GRM7: variants seen among roughly 807,000 people sequenced by gnomAD.
The protein encoded by GRM7 is metabotropic glutamate receptor 7.
In GRM7, 35 loss-of-function variants were observed where a neutral mutation model predicts 84.5. The ratio of observed to expected loss-of-function variants is 0.41; its 90% CI spans 0.32 to 0.55. GRM7 has a LOEUF of 0.55. Among genes scored for constraint, GRM7 ranks in the 20% least tolerant of loss-of-function variants. GRM7 has a pLI of 0.19. For missense variants in GRM7, 1,003 were observed against 1,194.6 expected (o/e 0.84, Z 2.36); for synonymous variants, 487 against 455.1 (o/e 1.07, Z -0.89).
intron 7 of GRM7, among the ~76,000 whole-genome samples, chr3:7,483,904 C>T (rs954031271): frequency 3.3e-5 from 5 of 151,984 alleles, no homozygotes; most frequent in Non-Finnish European, 7.4e-5. Flanking sequence ...AAAACACACT[C>T]TACATGATTT....
intron 9 of GRM7, among the ~76,000 whole-genome samples, chr3:7,716,378 G>C (rs910147725): frequency 6.6e-6 from 1 of 152,128 alleles, no homozygotes; most frequent in African/African-American, 2.4e-5. Context: ...TCTGCCTACA[G>C]GGAAAATAAT....
chr3:7,618,695 A>G (rs1404682084), intron 8 of GRM7, among the ~76,000 whole-genome samples: 3 of 152,106 alleles, frequency 2.0e-5, no homozygotes, highest in African/African-American at 4.8e-5. Context: ...ACGAGCCAAC[A>G]CAAAGGCACA....
intron 8 of GRM7, 85 bp from the exon 9 acceptor site, chr3:7,679,964 G>A: frequency 7.8e-7 from 1 of 1,276,954 alleles, no homozygotes; most frequent in Admixed American, 1.9e-5. Context: ...CCTAGCCATA[G>A]TCGTTCTTGA....
At chr3:7,220,993 T>G (rs1252895820) in intron 2 of GRM7, among the ~76,000 whole-genome samples, 1 of 151,182 alleles carries the variant, frequency 6.6e-6, no homozygotes, top group African/African-American at 2.4e-5. Context: ...ACTCAGGAGG[T>G]TGAGGTGGGA....
chr3:7,460,126 AAAAG>A (rs923949600), intron 6 of GRM7, among the ~76,000 whole-genome samples: 14 of 150,004 alleles, frequency 9.3e-5, no homozygotes, highest in African/African-American at 3.4e-4. Flanking sequence ...AAAAAAAAAA[AAAAG>A]ATGCCAAACC....
At chr3:7,522,802 T>C (rs1045915460) in intron 7 of GRM7, among the ~76,000 whole-genome samples, 3 of 152,150 alleles carry the variant, frequency 2.0e-5, no homozygotes, top group Admixed American at 1.3e-4. Context: ...CCCCAATGTA[T>C]GCTATTTTTG....
intron 4 of GRM7, among the ~76,000 whole-genome samples, chr3:7,310,786 G>T (rs1227000621): frequency 6.6e-6 from 1 of 152,110 alleles, no homozygotes; most frequent in African/African-American, 2.4e-5. Flanking sequence ...CTTCTTCAGG[G>T]CCTTTTGTTC....
chr3:7,550,480 CTTCCT>C lies in GRM7; in HGVS notation c.1516-27933_1516-27929del, dbSNP rs545562952. Reference sequence around the variant, plus strand: ...TTTCTCTCCCTCTCTCCTTTCTTTCCTTCCTTTCCTTTCTCTCCTCCTCTTCCTTC... The same window carrying C: ...TTTCTCTCCCTCTCTCCTTTCTTTCCTTCCTTTCTCTCCTCCTCTTCCTTC... On this transcript the variant is annotated intron_variant, in intron 7 of 9. Transcript: ENST00000357716. 6.1e-4 allele frequency among the ~76,000 whole-genome samples: 82 copies of C among 133,780 alleles called. 1 individual carries two copies. The South Asian group carries it at 0.023, about 37-fold the overall frequency. The allele number at this position is 133,780 out of a possible 152,430, so 87.8% of individuals were successfully genotyped here.
intron 8 of GRM7, among the ~76,000 whole-genome samples, chr3:7,630,719 A>G (rs1016728683): frequency 6.6e-6 from 1 of 152,196 alleles, no homozygotes; most frequent in African/African-American, 2.4e-5. Flanking sequence ...ACTGTCTCAA[A>G]AACCGTTAAG....
intron 1 of GRM7, among the ~76,000 whole-genome samples, chr3:6,907,636 A>G (rs1402708659): frequency 1.3e-5 from 2 of 152,198 alleles, no homozygotes; most frequent in Middle Eastern, 3.2e-3. Context: ...TGGCCATGAT[A>G]AAGAGTGGAG....
chr3:7,275,052 T>TC (rs1699003199), intron 2 of GRM7, among the ~76,000 whole-genome samples: 1 of 152,168 alleles, frequency 6.6e-6, no homozygotes, highest in African/African-American at 2.4e-5. Context: ...GCTCAAATAT[T>TC]CTTTCCTCAG....
chr3:7,085,220 G>T (rs544763799), intron 1 of GRM7, among the ~76,000 whole-genome samples: 3 of 152,180 alleles, frequency 2.0e-5, no homozygotes, highest in South Asian at 4.2e-4. Flanking sequence ...GAACAGCCTA[G>T]GCTGAAAGTT....
rs571074121 is a variant in GRM7, at chr3:7,162,122, A to G, written c.736+15454A>G. On this transcript the variant is annotated intron_variant, in intron 2 of 9. Transcript: ENST00000357716. ...TCGAGAGCCCTATTTTAGACTTGTG[A>G]GGCTTGAAATGCCTACAGTATATCC... Among the ~76,000 whole-genome samples the G allele has an allele frequency of 4.6e-5, 7 of 152,324 alleles. 1 individual carries two copies. The South Asian group carries it at 1.4e-3, about 32-fold the overall frequency.
chr3:7,721,580 CCTAA>C (rs754548907), intron 9 of GRM7, among the ~76,000 whole-genome samples: 9 of 152,190 alleles, frequency 5.9e-5, no homozygotes, highest in Non-Finnish European at 8.8e-5. Context: ...CTTCAGCTAA[CCTAA>C]CTGACATTCT....
chr3:7,375,212 C>G (rs1694295289), intron 4 of GRM7, among the ~76,000 whole-genome samples: 1 of 146,016 alleles, frequency 6.8e-6, no homozygotes, highest in South Asian at 2.2e-4. Context: ...TTTAAACATC[C>G]CCTTTTTTTT....
At chr3:7,428,675 G>C (rs1054913693) in intron 5 of GRM7, among the ~76,000 whole-genome samples, 1 of 152,042 alleles carries the variant, frequency 6.6e-6, no homozygotes, top group African/African-American at 2.4e-5. Flanking sequence ...ATAACTACTT[G>C]TCCTAATGAT....
chr3:7,658,159 C>G (rs1357457432), intron 8 of GRM7, among the ~76,000 whole-genome samples: 2 of 152,176 alleles, frequency 1.3e-5, no homozygotes, highest in African/African-American at 4.8e-5. Flanking sequence ...TCCATGTAAA[C>G]ACTCTAAAGT....
chr3:6,890,260 T>G (rs527609776), intron 1 of GRM7, among the ~76,000 whole-genome samples: 195 of 152,346 alleles, frequency 1.3e-3, no homozygotes, highest in African/African-American at 4.4e-3. Flanking sequence ...TAGTTATTCC[T>G]TGCCTTCTGC....
intron 9 of GRM7, among the ~76,000 whole-genome samples, chr3:7,727,197 T>C (rs541525876): frequency 6.6e-6 from 1 of 152,128 alleles, no homozygotes; most frequent in Non-Finnish European, 1.5e-5. Flanking sequence ...AAATGCCCCA[T>C]CAAAAGAATG....
Sources: gnomAD v4.1 joint callset for allele counts (sites outside exome capture counted in the v4.1 genomes callset) on GRCh38, gnomAD v4.1.1 for gene constraint, MANE v1.5 for transcripts, NCBI Gene and HGNC (gene_info 2026-07-23, HGNC 2026-07-21) for gene names.